BLK: variants seen among roughly 807,000 people sequenced by gnomAD.
BLK encodes tyrosine-protein kinase Blk.
Under a neutral mutation model 61.8 loss-of-function variants are expected in BLK, and 64 were observed. That is an observed-to-expected ratio of 1.03 (90% CI 0.85 to 1.27). The LOEUF is 1.27. Ranked by LOEUF, BLK falls within the 50% of genes most tolerant of loss-of-function variation. The pLI is 0.00. For synonymous variants in BLK, 351 were observed against 272.0 expected (o/e 1.29, Z -2.86); for missense variants, 853 against 660.5 (o/e 1.29, Z -3.19).
At chr8:11,548,164 C>A (rs1800733066) in intron 4 of BLK, 39 bp downstream of exon 4, 2 of 1,529,048 alleles carry the variant, frequency 1.3e-6, no homozygotes, top group Non-Finnish European at 1.8e-6. Flanking sequence ...CCTGCAGGAC[C>A]CCCCTCCCCC....
intron 1 of BLK, among the ~76,000 whole-genome samples, chr8:11,506,803 G>GGAT (rs1412880723): frequency 6.6e-6 from 1 of 152,154 alleles, no homozygotes; most frequent in East Asian, 1.9e-4. Flanking sequence ...CCAGGTTGAG[G>GGAT]GATGCATCCT....
chr8:11,501,648 G>A (rs1325851211), intron 1 of BLK, among the ~76,000 whole-genome samples: 4 of 152,242 alleles, frequency 2.6e-5, no homozygotes, highest in African/African-American at 9.6e-5. Context: ...AATAGTCTCT[G>A]TCCTAAATAC....
At chr8:11,546,477 C>T (rs963979405) in intron 3 of BLK, among the ~76,000 whole-genome samples, 5 of 152,196 alleles carry the variant, frequency 3.3e-5, no homozygotes, top group Non-Finnish European at 5.9e-5. Context: ...CCCCTGTCCG[C>T]TCTATGTGGA....
chr8:11,502,339 T>G (rs1798594882), intron 1 of BLK, among the ~76,000 whole-genome samples: 1 of 152,182 alleles, frequency 6.6e-6, no homozygotes. Context: ...AGTCTTACTC[T>G]GTTGCCCAGG....
At chr8:11,528,000 A>T (rs557167017) in intron 1 of BLK, among the ~76,000 whole-genome samples, 32 of 152,122 alleles carry the variant, frequency 2.1e-4, no homozygotes, top group Admixed American at 1.9e-3. Flanking sequence ...TTGCTCCCTG[A>T]GCAAGGAGGG....
At chr8:11,501,827 C>T (rs1449193536) in intron 1 of BLK, among the ~76,000 whole-genome samples, 2 of 152,218 alleles carry the variant, frequency 1.3e-5, no homozygotes, top group African/African-American at 4.8e-5. Context: ...TTGGGGCAGG[C>T]TGCAGCCTTA....
At chr8:11,496,417 AT>A (rs1459635632) in intron 1 of BLK, among the ~76,000 whole-genome samples, 1 of 151,834 alleles carries the variant, frequency 6.6e-6, no homozygotes, top group Non-Finnish European at 1.5e-5. Context: ...TTTTAATCTT[AT>A]TTTTTGAAGA....
In BLK at chr8:11,564,519, G is replaced by A. The variant is rs1196287444; in HGVS notation, c.*411G>A. On this transcript the variant is annotated 3_prime_UTR_variant, in exon 13 of 13. Coordinates refer to ENST00000259089, the MANE Select transcript of BLK (RefSeq NM_001715.3). ...CTACAGAAGCCAGACTGGGTCCCGC[G>A]GACGCCAGCAGGGGCAGCCCCAGCC... The A allele has an allele frequency of 2.0e-6, 1 of 490,966 alleles. No individual in the cohort carries two copies. The highest frequency in any genetic ancestry group is 4.0e-6 in the Non-Finnish European group (1 of 250,040). The allele number at this position is 490,966 out of a possible 1,614,324, so 30.4% of individuals were successfully genotyped here. A position where few individuals can be genotyped will look rare whatever the true frequency, so the allele number is the denominator to read the frequency against.
chr8:11,504,905 AG>A (rs1417074570), intron 1 of BLK, among the ~76,000 whole-genome samples: 2 of 152,222 alleles, frequency 1.3e-5, no homozygotes, highest in Non-Finnish European at 1.5e-5. Flanking sequence ...GTTTCAGGCA[AG>A]GGGGTAATGG....
At chr8:11,499,192 C>G (rs1468208597) in intron 1 of BLK, among the ~76,000 whole-genome samples, 3 of 152,174 alleles carry the variant, frequency 2.0e-5, no homozygotes, top group African/African-American at 7.2e-5. Flanking sequence ...AAATATTCAC[C>G]ACTGTGTTAC....
chr8:11,549,052 C>G lies in BLK; in HGVS notation c.298C>G (p.Leu100Val). The stretch of plus-strand genomic sequence containing the variant: ...TGGAGACTGGTGGCTGGCCAGGTCA[C>G]TCGTCACAGGAAGAGAAGGCTATGT... ...GTGDWWLARSLVTGREGYVPS... is the reference protein window; with the variant it reads ...GTGDWWLARSVVTGREGYVPS... Residue 100 changes from leucine (L) to valine (V), a missense_variant, in exon 5 of 13, where the codon CTC becomes GTC. Transcript: ENST00000259089. 1 of 1,611,028 alleles carries G rather than the reference C, an allele frequency of 6.2e-7. No individual in the cohort carries two copies. Among genetic ancestry groups the G allele is most frequent in the Non-Finnish European group, 8.5e-7 (1 of 1,178,880 alleles).
In BLK at chr8:11,556,173, C is replaced by G. The variant is rs182039420; in HGVS notation, c.773-485C>G. On this transcript the variant is annotated intron_variant, in intron 8 of 12. Transcript: ENST00000259089. The stretch of plus-strand genomic sequence containing the variant: ...GAGTTGTCTTTTGCCCTTCAGGGGA[C>G]TTCATGGAGTACAGGGAGAGTGTGG... 2.6e-3 allele frequency: 595 copies of G among 230,798 alleles called. 3 individuals carry two copies. The highest frequency in any genetic ancestry group is 3.8e-3 in the Non-Finnish European group (447 of 116,288). 14.3% of individuals were successfully genotyped at this position (230,798 alleles called of 1,614,324 possible).
At chr8:11,558,970 A>G in intron 10 of BLK, 1 of 456,248 alleles carries the variant, frequency 2.2e-6, no homozygotes, top group Non-Finnish European at 4.4e-6. Flanking sequence ...AGGTGGGCAG[A>G]CAGCCATCTG....
At chr8:11,513,117 A>G (rs1460857470) in intron 1 of BLK, among the ~76,000 whole-genome samples, 1 of 152,128 alleles carries the variant, frequency 6.6e-6, no homozygotes, top group Non-Finnish European at 1.5e-5. Flanking sequence ...TCCTCCTACG[A>G]GATCCCTACT....
intron 1 of BLK, among the ~76,000 whole-genome samples, chr8:11,529,622 T>G (rs1381093622): frequency 6.6e-6 from 1 of 152,136 alleles, no homozygotes; most frequent in East Asian, 1.9e-4. Context: ...TGTGGCTAAT[T>G]TGTTAGTCCT....
In BLK at chr8:11,555,398, G is replaced by A; in HGVS notation, c.686G>A (p.Trp229Ter). ...PCVRPAPQNP[W>*]AQDEWEIPRQ... is the part of the protein sequence containing the mutation. Reference sequence around the variant, plus strand: ...GTGCGCCCGGCCCCGCAGAATCCCTGGGCCCAGGATGAATGGGAGATCCCC... The same window carrying A: ...GTGCGCCCGGCCCCGCAGAATCCCTAGGCCCAGGATGAATGGGAGATCCCC... The change falls in exon 8 of 13, where the codon TGG (tryptophan) becomes TAG (stop). Residue 229 changes from tryptophan (W) to a stop codon, truncating the protein, a stop_gained. Transcript: ENST00000259089. LOFTEE classifies it high-confidence loss of function. 1 of 1,614,150 alleles carries A rather than the reference G, an allele frequency of 6.2e-7. No homozygotes were observed. Among genetic ancestry groups the A allele is most frequent in the South Asian group, 1.1e-5 (1 of 91,078 alleles).
chr8:11,507,680 A>C (rs1037407366), intron 1 of BLK, among the ~76,000 whole-genome samples: 5 of 152,194 alleles, frequency 3.3e-5, no homozygotes, highest in African/African-American at 1.2e-4. Flanking sequence ...GTCCATGTCA[A>C]CATACAGCTC....
intron 8 of BLK, 154 bp downstream of exon 8, chr8:11,555,638 G>C: frequency 8.1e-7 from 1 of 1,239,526 alleles, no homozygotes; most frequent in Non-Finnish European, 1.1e-6. Context: ...TTACAGAGGA[G>C]GAAGTGGAGG....
intron 1 of BLK, among the ~76,000 whole-genome samples, chr8:11,515,541 G>A (rs759668044): frequency 6.6e-6 from 1 of 152,076 alleles, no homozygotes; most frequent in Non-Finnish European, 1.5e-5. Flanking sequence ...TACTGTCTTT[G>A]GCTTCTTCCT....
Sources: gnomAD v4.1 joint callset for allele counts (sites outside exome capture counted in the v4.1 genomes callset) on GRCh38, gnomAD v4.1.1 for gene constraint, MANE v1.5 for transcripts, NCBI Gene and HGNC (gene_info 2026-07-23, HGNC 2026-07-21) for gene names.